The following ERC2 variants were observed in gnomAD, a reference collection of about 807,000 sequenced individuals.
The protein encoded by ERC2 is ERC protein 2.
A neutral mutation model predicts 114.8 loss-of-function variants in ERC2; 42 were observed. The ratio of observed to expected loss-of-function variants is 0.37; its 90% CI spans 0.29 to 0.47. ERC2 has a LOEUF of 0.47. ERC2 is among the 20% of genes least tolerant of loss of function. The probability of loss-of-function intolerance (pLI) is 0.99; values close to 1 mark genes in which losing one functional copy is unlikely to be tolerated. For synonymous variants in ERC2, 454 were observed against 425.5 expected, an observed-to-expected ratio of 1.07 and a Z score of -0.82; for missense variants, 939 against 1,150.7, an observed-to-expected ratio of 0.82 and a Z score of 2.66.
At chr3:55,561,296 G>T (rs1430476249) in intron 17 of ERC2, among the ~76,000 whole-genome samples, 2 of 151,768 alleles carry the variant, frequency 1.3e-5, no homozygotes, top group Non-Finnish European at 2.9e-5. Flanking sequence ...CATTTTTTCC[G>T]TGTGTCCATT....
intron 6 of ERC2, among the ~76,000 whole-genome samples, chr3:56,136,112 G>A (rs1316627909): frequency 2.6e-5 from 4 of 152,270 alleles, no homozygotes; most frequent in South Asian, 4.1e-4. Context: ...AAAGAGCCAA[G>A]CCACATAGCC....
intron 11 of ERC2, among the ~76,000 whole-genome samples, chr3:55,987,959 CA>C (rs1277627496): frequency 1.3e-5 from 2 of 152,154 alleles, no homozygotes; most frequent in African/African-American, 4.8e-5. Context: ...CAAATACCAA[CA>C]AAATCCCTAA....
intron 3 of ERC2, among the ~76,000 whole-genome samples, chr3:56,180,874 C>T (rs929791483): frequency 2.0e-5 from 3 of 152,206 alleles, no homozygotes; most frequent in Non-Finnish European, 4.4e-5. Context: ...CAACCGTTCC[C>T]ATCTCTATCC....
chr3:56,056,844 T>A (rs1282932458), intron 7 of ERC2, among the ~76,000 whole-genome samples: 1 of 152,146 alleles, frequency 6.6e-6, no homozygotes, highest in Non-Finnish European at 1.5e-5. Flanking sequence ...TACTCTTTTT[T>A]AAAAAAGGAT....
chr3:56,388,076 T>C (rs2059998115), intron 2 of ERC2, among the ~76,000 whole-genome samples: 1 of 152,136 alleles, frequency 6.6e-6, no homozygotes, highest in Non-Finnish European at 1.5e-5. Context: ...TCCTAACTCA[T>C]CATTTTCATA....
chr3:55,837,598 C>T (rs2060952372), intron 14 of ERC2, among the ~76,000 whole-genome samples: 1 of 111,732 alleles, frequency 8.9e-6, no homozygotes, highest in African/African-American at 3.7e-5. Context: ...ACTCTGGGGA[C>T]TGTTGTGGGG....
At chr3:55,909,317 C>T (rs2064660939) in intron 13 of ERC2, among the ~76,000 whole-genome samples, 1 of 152,220 alleles carries the variant, frequency 6.6e-6, no homozygotes, top group South Asian at 2.1e-4. Context: ...AGTTCCCTCT[C>T]CTGCTCCAGA....
chr3:55,988,553 C>T (rs886909759), intron 11 of ERC2, among the ~76,000 whole-genome samples: 6 of 152,164 alleles, frequency 3.9e-5, no homozygotes, highest in Admixed American at 3.9e-4. Context: ...ACACATACTG[C>T]CTTCTGAGAG....
intron 17 of ERC2, among the ~76,000 whole-genome samples, chr3:55,524,001 T>C (rs2053139493): frequency 6.6e-6 from 1 of 152,218 alleles, no homozygotes; most frequent in African/African-American, 2.4e-5. Context: ...TGACTTCAGG[T>C]AAGTCACTTA....
chr3:56,177,120 A>C (rs2083022284), intron 3 of ERC2, among the ~76,000 whole-genome samples: 3 of 152,240 alleles, frequency 2.0e-5, no homozygotes. Context: ...CTATTAAGTT[A>C]AGCCTATGAG....
At chr3:55,752,707 G>C (rs553126190) in intron 14 of ERC2, among the ~76,000 whole-genome samples, 2 of 152,336 alleles carry the variant, frequency 1.3e-5, no homozygotes, top group African/African-American at 4.8e-5. Flanking sequence ...AGGCAGAAAG[G>C]AGTGAATTAA....
intron 3 of ERC2, among the ~76,000 whole-genome samples, chr3:56,249,679 T>C (rs982745157): frequency 6.0e-5 from 9 of 150,756 alleles, no homozygotes; most frequent in African/African-American, 2.0e-4. Flanking sequence ...GAAAATGTCA[T>C]AGCAATAGCA....
At chr3:55,928,441 C>T (rs1258314935) in intron 13 of ERC2, among the ~76,000 whole-genome samples, 1 of 152,042 alleles carries the variant, frequency 6.6e-6, no homozygotes, top group Non-Finnish European at 1.5e-5. Flanking sequence ...CGTCTTTTGC[C>T]CATTTTTTAA....
At chr3:56,114,346 A>G (rs1279636266) in intron 6 of ERC2, among the ~76,000 whole-genome samples, 1 of 152,212 alleles carries the variant, frequency 6.6e-6, no homozygotes, top group Admixed American at 6.5e-5. Context: ...GAAAAAAGGA[A>G]TGCTAGTCAG....
At chr3:55,863,095 G>A (rs2062099099) in intron 14 of ERC2, among the ~76,000 whole-genome samples, 2 of 152,096 alleles carry the variant, frequency 1.3e-5, no homozygotes, top group African/African-American at 2.4e-5. Context: ...GGGATTAGGG[G>A]AGCAAAAGGA....
At chr3:55,547,153 C>T (rs1037567569) in intron 17 of ERC2, among the ~76,000 whole-genome samples, 8 of 152,360 alleles carry the variant, frequency 5.3e-5, no homozygotes, top group South Asian at 4.1e-4. Flanking sequence ...GCCTGGCACA[C>T]GGCACCTGTG....
At chr3:56,112,500 A>G (rs535168460) in intron 6 of ERC2, among the ~76,000 whole-genome samples, 1 of 152,136 alleles carries the variant, frequency 6.6e-6, no homozygotes, top group Non-Finnish European at 1.5e-5. Context: ...CACTTATGAA[A>G]GGTACAAAAT....
chr3:56,084,583 C>T (rs2077405194), intron 6 of ERC2, among the ~76,000 whole-genome samples: 1 of 152,092 alleles, frequency 6.6e-6, no homozygotes, highest in African/African-American at 2.4e-5. Context: ...GGCCATCATT[C>T]TAAGTGAAGT....
At chr3:56,293,372 G>A (rs1438952315) in intron 3 of ERC2, among the ~76,000 whole-genome samples, 1 of 152,174 alleles carries the variant, frequency 6.6e-6, no homozygotes, top group Non-Finnish European at 1.5e-5. Context: ...CCAGCTTTCA[G>A]GAATGGGCAA....
Sources: allele counts gnomAD v4.1 joint callset (sites outside exome capture counted in the v4.1 genomes callset), GRCh38; gene constraint gnomAD v4.1.1; transcripts MANE v1.5; gene names NCBI Gene and HGNC (gene_info 2026-07-23, HGNC 2026-07-21).